CCM2: variants seen among roughly 807,000 people sequenced by gnomAD.
The protein encoded by CCM2 is cerebral cavernous malformations 2 protein.
Under a neutral mutation model 44.9 loss-of-function variants are expected in CCM2, and 25 were observed. That is an observed-to-expected ratio of 0.56 (90% confidence interval 0.41 to 0.78). The LOEUF is 0.78. Ranked by LOEUF, CCM2 falls within the 30% of genes least tolerant of loss-of-function variation. The pLI, the probability that CCM2 is intolerant of heterozygous loss-of-function variation, is 0.00. For missense variants in CCM2, 481 were observed against 580.6 expected, an observed-to-expected ratio of 0.83 and a Z score of 1.76; for synonymous variants, 219 against 241.1, an observed-to-expected ratio of 0.91 and a Z score of 0.85.
intron 1 of CCM2, among the ~76,000 whole-genome samples, chr7:45,011,363 A>G (rs1359366466): frequency 6.6e-6 from 1 of 151,560 alleles, no homozygotes; most frequent in African/African-American, 2.4e-5. Context: ...CACCCGGCTA[A>G]TTTTTGTATT....
intron 1 of CCM2, among the ~76,000 whole-genome samples, chr7:45,011,184 A>G (rs906770825): frequency 2.7e-5 from 4 of 150,210 alleles, no homozygotes; most frequent in African/African-American, 1.0e-4. Flanking sequence ...GGTGTGTGCC[A>G]CTATGCCCAG....
intron 2 of CCM2, among the ~76,000 whole-genome samples, chr7:45,048,712 G>A (rs1273294420): frequency 2.0e-5 from 3 of 151,742 alleles, no homozygotes; most frequent in East Asian, 1.9e-4. Context: ...GCAGTGAGCC[G>A]AGATTGTGCC....
chr7:45,060,061 C>T (rs1798450476), intron 2 of CCM2, among the ~76,000 whole-genome samples: 1 of 152,196 alleles, frequency 6.6e-6, no homozygotes, highest in Admixed American at 6.5e-5. Context: ...TGATGCTTTT[C>T]CCCTTCTTTA....
Position 45,068,592 on chromosome 7 carries a change from C to T in CCM2, c.609+13C>T, listed in dbSNP as rs774845080. On this transcript the variant is annotated intron_variant, in intron 5 of 9. Transcript: ENST00000258781. ...TGCAGAGAGCAAGGTGAGACTTTCT[C>T]GCCCCACTTACTCAGAACTGGCTCC... is the stretch of plus-strand genomic sequence containing the variant. 5.6e-6 allele frequency: 9 copies of T among 1,613,600 alleles called. No homozygotes were observed. In the South Asian group the frequency reaches 7.7e-5, roughly 14 times the overall value.
At chr7:45,037,557 A>G (rs563324335) in intron 1 of CCM2, among the ~76,000 whole-genome samples, 19 of 151,282 alleles carry the variant, frequency 1.3e-4, no homozygotes, top group Non-Finnish European at 2.5e-4. Context: ...AGCTGGGATT[A>G]CAGACATGTG....
At chr7:45,027,519 T>C (rs1289574878) in intron 1 of CCM2, 1 of 1,026,274 alleles carries the variant, frequency 9.7e-7, no homozygotes, top group African/African-American at 1.6e-5. Flanking sequence ...GCATGCAGAC[T>C]GTTTGGATTT....
At chr7:45,040,095 G>T (rs1797412378) in intron 2 of CCM2, among the ~76,000 whole-genome samples, 1 of 148,866 alleles carries the variant, frequency 6.7e-6, no homozygotes, top group Non-Finnish European at 1.5e-5. Context: ...GGTGTTGAAA[G>T]ATAAAAGTAA....
intron 1 of CCM2, 100 bp downstream of exon 1, chr7:45,000,463 G>C (rs1490012457): frequency 9.2e-6 from 2 of 216,338 alleles, no homozygotes; most frequent in African/African-American, 6.5e-5. Context: ...CCGGGGGGGG[G>C]GGCAGTGGGC....
intron 1 of CCM2, among the ~76,000 whole-genome samples, chr7:45,013,256 G>A (rs1250569665): frequency 2.6e-5 from 4 of 151,270 alleles, no homozygotes; most frequent in Non-Finnish European, 5.9e-5. Flanking sequence ...CCTGTTTTTT[G>A]CAAACTTTTT....
At chr7:45,023,153 A>G (rs1796547262) in intron 1 of CCM2, among the ~76,000 whole-genome samples, 1 of 152,092 alleles carries the variant, frequency 6.6e-6, no homozygotes, top group Non-Finnish European at 1.5e-5. Context: ...TCCAGTGTCC[A>G]TTATATCACT....
In CCM2 at chr7:45,000,464, G is replaced by GT. The variant is rs558165400; in HGVS notation, c.30+101_30+102insT. 0.46 allele frequency: 87,134 copies of GT among 189,776 alleles called. 18,301 individuals carry two copies. Among genetic ancestry groups the GT allele is most frequent in the East Asian group, 0.66 (8,736 of 13,148 alleles). 11.8% of individuals were successfully genotyped at this position (189,776 alleles called of 1,614,324 possible). A position where few individuals can be genotyped will look rare whatever the true frequency, so the allele number is the denominator to read the frequency against. ...GTGTTCCTTGGGGCCCGGGGGGGGG[G>GT]GCAGTGGGCCAGCTGGCGGGGCGGG... On this transcript the variant is annotated intron_variant, in intron 1 of 9. Transcript: ENST00000258781.
In CCM2 at chr7:45,075,841, C is replaced by T. The variant is rs144625146; in HGVS notation, c.1119C>T (p.Gly373=). ...QHFENFLETI[G]VKDGRGIITD... ...TCGAGAACTTCCTGGAGACCATTGG[C>T]GTGAAGGATGGCCGCGGCATCATCA... The change falls in exon 10 of 10, where the codon GGC becomes GGT. Residue 373 remains glycine, a synonymous_variant. Transcript: ENST00000258781. 2.8e-5 allele frequency: 45 copies of T among 1,613,618 alleles called. No homozygotes were observed. The highest frequency in any genetic ancestry group is 2.1e-4 in the African/African-American group (16 of 74,914).
At chr7:45,046,201 T>C (rs909688174) in intron 2 of CCM2, among the ~76,000 whole-genome samples, 2 of 152,250 alleles carry the variant, frequency 1.3e-5, no homozygotes, top group Admixed American at 1.3e-4. Context: ...TTTGTAGATA[T>C]AAACAAGACT....
chr7:45,075,813 A>G lies in CCM2; in HGVS notation c.1091A>G (p.His364Arg), dbSNP rs201559289. Reference protein sequence around the residue: ...RPFIPEKDSQHFENFLETIGV... With the variant: ...RPFIPEKDSQRFENFLETIGV... ...TTCATCCCTGAGAAGGACAGCCAGCACTTCGAGAACTTCCTGGAGACCATT... is the reference window on the plus strand; with the variant it reads ...TTCATCCCTGAGAAGGACAGCCAGCGCTTCGAGAACTTCCTGGAGACCATT... The change falls in exon 10 of 10, where the codon CAC becomes CGC. Residue 364 changes from histidine to arginine, a missense_variant. His to Arg is a conservative substitution (Grantham distance 29). Transcript: ENST00000258781. 160 of 1,613,674 alleles carry G rather than the reference A, an allele frequency of 9.9e-5. 1 individual carries two copies. Among genetic ancestry groups the G allele is most frequent in the Non-Finnish European group, 1.3e-4 (153 of 1,180,038 alleles).
intron 3 of CCM2, among the ~76,000 whole-genome samples, chr7:45,064,220 C>A (rs1798656843): frequency 6.6e-6 from 1 of 152,234 alleles, no homozygotes; most frequent in Admixed American, 6.5e-5. Context: ...TTTACACTTT[C>A]AAGATATTTC....
At chr7:45,024,320 A>G (rs945029584) in intron 1 of CCM2, among the ~76,000 whole-genome samples, 44 of 152,340 alleles carry the variant, frequency 2.9e-4, no homozygotes, top group African/African-American at 1.0e-3. Context: ...GTGGAGTTTC[A>G]TCTCTGCATG....
chr7:45,062,579 A>T (rs1418427813), intron 2 of CCM2, among the ~76,000 whole-genome samples: 2 of 152,236 alleles, frequency 1.3e-5, no homozygotes, highest in African/African-American at 4.8e-5. Flanking sequence ...TCACACCTGT[A>T]ATCCCAGCAC....
chr7:45,048,590 C>T (rs1265266730), intron 2 of CCM2, among the ~76,000 whole-genome samples: 2 of 152,064 alleles, frequency 1.3e-5, no homozygotes, highest in Admixed American at 1.3e-4. Context: ...TGGTGAAACC[C>T]CATCTCTACT....
intron 1 of CCM2, among the ~76,000 whole-genome samples, chr7:45,012,711 T>G (rs1444539339): frequency 1.3e-5 from 2 of 151,818 alleles, no homozygotes; most frequent in Non-Finnish European, 2.9e-5. Context: ...TGCGCCACCA[T>G]GCCTGGCTAA....
Sources: gnomAD v4.1 joint callset for allele counts (sites outside exome capture counted in the v4.1 genomes callset) on GRCh38, gnomAD v4.1.1 for gene constraint, MANE v1.5 for transcripts, NCBI Gene and HGNC (gene_info 2026-07-23, HGNC 2026-07-21) for gene names.